DSCAML1: variants seen among roughly 807,000 people sequenced by gnomAD.
DSCAML1 encodes DS cell adhesion molecule like 1.
Under a neutral mutation model 200.5 loss-of-function variants are expected in DSCAML1, and 38 were observed. The observed-to-expected ratio is 0.19, with a 90% CI of 0.15 to 0.25. The LOEUF is 0.25. Ranked by LOEUF, DSCAML1 falls within the 10% of genes least tolerant of loss-of-function variation. The pLI, the probability that DSCAML1 is intolerant of heterozygous loss-of-function variation, is 1.00. For synonymous variants in DSCAML1, 1,215 were observed against 1,165.0 expected, an observed-to-expected ratio of 1.04 and a Z score of -0.87; for missense variants, 2,223 against 2,858.8, an observed-to-expected ratio of 0.78 and a Z score of 5.07.
At chr11:117,666,154 T>A (rs532788483) in intron 3 of DSCAML1, among the ~76,000 whole-genome samples, 57 of 152,122 alleles carry the variant, frequency 3.7e-4, no homozygotes, top group Non-Finnish European at 7.4e-5. Flanking sequence ...GAGAGGGGCA[T>A]GGATCTCAGA....
rs962234567 is a variant in DSCAML1 at position 117,807,942 on chromosome 11, C to T, written c.-250+9448G>A. Among the ~76,000 whole-genome samples, 3 of 152,168 alleles carry T rather than the reference C, an allele frequency of 2.0e-5. No individual in the cohort carries two copies. The East Asian group carries it at 5.8e-4, about 29-fold the overall frequency. Reference sequence around the variant, plus strand: ...GTTCAAATGATTCTCCCACCTCAGCCTCCCGAGTAGCTGGGACTACAGGTG... The same window carrying T: ...GTTCAAATGATTCTCCCACCTCAGCTTCCCGAGTAGCTGGGACTACAGGTG... On this transcript the variant is annotated intron_variant, in intron 1 of 2. Coordinates refer to the DSCAML1 transcript ENST00000525836.
intron 3 of DSCAML1, among the ~76,000 whole-genome samples, chr11:117,603,180 C>G (rs1017641410): frequency 2.0e-5 from 3 of 152,226 alleles, no homozygotes; most frequent in Admixed American, 6.5e-5. Context: ...GACACAGAGT[C>G]TCCCAACCTG....
intron 11 of DSCAML1, among the ~76,000 whole-genome samples, chr11:117,491,597 T>C (rs1441104281): frequency 1.3e-5 from 2 of 152,152 alleles, no homozygotes; most frequent in Non-Finnish European, 2.9e-5. Flanking sequence ...ATGGCCAACA[T>C]GGCCCGTCTC....
chr11:117,657,714 A>T (rs1456005236), intron 3 of DSCAML1, among the ~76,000 whole-genome samples: 2 of 152,160 alleles, frequency 1.3e-5, no homozygotes, highest in Non-Finnish European at 2.9e-5. Context: ...CACATTAGAG[A>T]TGGATGCTGG....
chr11:117,542,322 CAAA>C (rs1565777218), intron 3 of DSCAML1, among the ~76,000 whole-genome samples: 92 of 106,582 alleles, frequency 8.6e-4, no homozygotes, highest in African/African-American at 2.4e-3. Context: ...CAAAACAAAA[CAAA>C]ACACAAAAAC....
At chr11:117,574,249 C>T (rs1427277961) in intron 3 of DSCAML1, among the ~76,000 whole-genome samples, 1 of 152,228 alleles carries the variant, frequency 6.6e-6, no homozygotes, top group Non-Finnish European at 1.5e-5. Flanking sequence ...GAAGGAGCAG[C>T]AGAGTTCTGA....
intron 3 of DSCAML1, among the ~76,000 whole-genome samples, chr11:117,765,900 A>G (rs1019515482): frequency 6.6e-6 from 1 of 152,156 alleles, no homozygotes; most frequent in Non-Finnish European, 1.5e-5. Context: ...TCATCACAAA[A>G]GAGACTCCAA....
chr11:117,529,341 G>A (rs903416793), intron 4 of DSCAML1, among the ~76,000 whole-genome samples: 1 of 152,216 alleles, frequency 6.6e-6, no homozygotes, highest in Non-Finnish European at 1.5e-5. Context: ...GCCTCCCAAA[G>A]TGCTAGGATT....
intron 4 of DSCAML1, among the ~76,000 whole-genome samples, 183 bp downstream of exon 4, chr11:117,532,193 T>C (rs2050093658): frequency 6.6e-6 from 1 of 151,586 alleles, no homozygotes; most frequent in African/African-American, 2.4e-5. Flanking sequence ...TATTTGAAAA[T>C]GAAAACATAG....
At chr11:117,454,099 T>C (rs190816253) in intron 19 of DSCAML1, among the ~76,000 whole-genome samples, 36 of 152,322 alleles carry the variant, frequency 2.4e-4, no homozygotes, top group African/African-American at 8.2e-4. Flanking sequence ...TTTTCAGACA[T>C]TTTATCTTCC....
chr11:117,707,277 A>G (rs1381646895), intron 3 of DSCAML1, among the ~76,000 whole-genome samples: 1 of 152,166 alleles, frequency 6.6e-6, no homozygotes, highest in Non-Finnish European at 1.5e-5. Context: ...AATAAGTACC[A>G]CCTTCTGGAA....
chr11:117,565,521 T>TTGTC (rs758911202), intron 3 of DSCAML1, among the ~76,000 whole-genome samples: 3 of 152,212 alleles, frequency 2.0e-5, no homozygotes, highest in Non-Finnish European at 2.9e-5. Flanking sequence ...TTATGACTCA[T>TTGTC]TGTCTGTCTC....
intron 3 of DSCAML1, among the ~76,000 whole-genome samples, chr11:117,741,366 A>G (rs1017657578): frequency 5.3e-5 from 8 of 152,242 alleles, no homozygotes; most frequent in Non-Finnish European, 1.0e-4. Context: ...TGATAAGTGC[A>G]ATCTTGAGAG....
intron 3 of DSCAML1, among the ~76,000 whole-genome samples, chr11:117,603,082 G>A (rs1192903265): frequency 1.3e-5 from 2 of 152,114 alleles, no homozygotes; most frequent in African/African-American, 2.4e-5. Flanking sequence ...AGGACAAAGT[G>A]AGACCCTGTC....
intron 1 of DSCAML1, among the ~76,000 whole-genome samples, chr11:117,810,709 T>C (rs1214588937): frequency 6.6e-6 from 1 of 152,178 alleles, no homozygotes. Flanking sequence ...TAGTTCCAAA[T>C]AGCCGGAAAA....
chr11:117,586,378 G>A (rs2051141871), intron 3 of DSCAML1, among the ~76,000 whole-genome samples: 1 of 152,228 alleles, frequency 6.6e-6, no homozygotes, highest in South Asian at 2.1e-4. Context: ...GTGCCACAAG[G>A]AAGCCATCTT....
At chr11:117,432,552 A>G in intron 29 of DSCAML1, 48 bp from the exon 30 acceptor site, 2 of 1,577,964 alleles carry the variant, frequency 1.3e-6, no homozygotes, top group Non-Finnish European at 1.7e-6. Flanking sequence ...ATTGTTTTTT[A>G]AAGCTCTTTT....
chr11:117,449,256 T>C (rs1231954317), intron 20 of DSCAML1, among the ~76,000 whole-genome samples: 1 of 152,092 alleles, frequency 6.6e-6, no homozygotes, highest in Non-Finnish European at 1.5e-5. Flanking sequence ...TGTAATGTCC[T>C]GTTCTGTGCT....
intron 1 of DSCAML1, among the ~76,000 whole-genome samples, chr11:117,796,549 C>G (rs1205743575): frequency 2.0e-5 from 3 of 152,226 alleles, no homozygotes; most frequent in African/African-American, 7.2e-5. Flanking sequence ...ACATTCGCGC[C>G]AGGGCTGGGG....
Sources: allele counts gnomAD v4.1 joint callset (sites outside exome capture counted in the v4.1 genomes callset), GRCh38; gene constraint gnomAD v4.1.1; transcripts MANE v1.5; gene names NCBI Gene and HGNC (gene_info 2026-07-23, HGNC 2026-07-21).